Variants in RAB11FIP2 observed in about 807,000 individuals in gnomAD.
RAB11FIP2 encodes rab11 family-interacting protein 2.
In RAB11FIP2, 16 loss-of-function variants were observed where a neutral mutation model predicts 40.9. That is an observed-to-expected ratio of 0.39 (90% confidence interval 0.26 to 0.59). The LOEUF (loss-of-function observed/expected upper bound fraction) is 0.59, where lower values mean the gene tolerates loss of function less well. Ranked by LOEUF, RAB11FIP2 falls within the 20% of genes least tolerant of loss-of-function variation. The probability of loss-of-function intolerance (pLI) is 0.53; values close to 1 mark genes in which losing one functional copy is unlikely to be tolerated. For synonymous variants in RAB11FIP2, 228 were observed against 213.7 expected, an observed-to-expected ratio of 1.07 and a Z score of -0.58; for missense variants, 532 against 606.2, an observed-to-expected ratio of 0.88 and a Z score of 1.28.
At chr10:118,034,324 C>T (rs76065475) in intron 3 of RAB11FIP2, among the ~76,000 whole-genome samples, 4,236 of 150,226 alleles carry the variant, frequency 0.028, 148 homozygotes, top group East Asian at 0.19. Flanking sequence ...TCCATGAACT[C>T]TTAAATAAGC....
At chr10:118,036,238 T>C (rs1336220483) in intron 3 of RAB11FIP2, among the ~76,000 whole-genome samples, 4 of 152,054 alleles carry the variant, frequency 2.6e-5, no homozygotes, top group Non-Finnish European at 5.9e-5. Flanking sequence ...TGCAGTTCCA[T>C]GGCTATGTAT....
Position 118,008,784 on chromosome 10 carries a change from C to A in RAB11FIP2, c.*214G>T. The A allele has an allele frequency of 3.7e-6, 2 of 537,800 alleles. No homozygotes were observed. Among genetic ancestry groups the A allele is most frequent in the Admixed American group, 3.3e-5 (1 of 30,506 alleles). The allele number at this position is 537,800 out of a possible 1,614,324, so 33.3% of individuals were successfully genotyped here. On this transcript the variant is annotated 3_prime_UTR_variant, in exon 5 of 5. Transcript: ENST00000355624. The stretch of plus-strand genomic sequence containing the variant: ...CCACTTATTCATTGAGAATCTGGCC[C>A]ATTTTCAATTTAAACATTTAAATGA...
chr10:118,030,544 C>A (rs1846400477), intron 3 of RAB11FIP2, among the ~76,000 whole-genome samples: 1 of 152,108 alleles, frequency 6.6e-6, no homozygotes, highest in East Asian at 1.9e-4. Flanking sequence ...CCTAACAACA[C>A]ATTAAAATTA....
intron 3 of RAB11FIP2, among the ~76,000 whole-genome samples, chr10:118,025,684 T>C (rs1325311511): frequency 1.3e-5 from 2 of 152,202 alleles, no homozygotes; most frequent in African/African-American, 4.8e-5. Context: ...ACTAATAAGG[T>C]CACATCTTCA....
At chr10:118,045,693 C>T (rs1282674887) in intron 1 of RAB11FIP2, 118 bp downstream of exon 1, 10 of 780,078 alleles carry the variant, frequency 1.3e-5, no homozygotes, top group Admixed American at 1.2e-4. Context: ...GTGCTTAAAA[C>T]TGGATCATAT....
Position 118,046,254 on chromosome 10 carries a change from G to A in RAB11FIP2, c.-91C>T, listed in dbSNP as rs1246746955. 1.8e-6 allele frequency: 2 copies of A among 1,105,372 alleles called. No individual in the cohort carries two copies. Among genetic ancestry groups the A allele is most frequent in the Non-Finnish European group, 1.3e-6 (1 of 755,098 alleles). 68.5% of individuals were successfully genotyped at this position (1,105,372 alleles called of 1,614,324 possible). A position where few individuals can be genotyped will look rare whatever the true frequency, so the allele number is the denominator to read the frequency against. On this transcript the variant is annotated 5_prime_UTR_variant, in exon 1 of 5. Transcript: ENST00000355624. ...AATTCCTTAATCACTGCATCCTAAG[G>A]ACACTTAACGGAAACAGGCAGGCTC... is the stretch of plus-strand genomic sequence containing the variant.
chr10:118,009,172 C>G lies in RAB11FIP2; in HGVS notation c.1365G>C (p.Glu455Asp). The change falls in exon 5 of 5, where the codon GAG becomes GAC. Residue 455 changes from glutamate to aspartate, a missense_variant. Physicochemically the swap from Glu to Asp is conservative, Grantham distance 45. Transcript: ENST00000355624. ...TAGYRSLTYE[E>D]VLQELVKHKE... ...TGTGTTTCACCAGCTCCTGTAGAACCTCTTCATAGGTCAGACTACGATACC... is the reference window on the plus strand; with the variant it reads ...TGTGTTTCACCAGCTCCTGTAGAACGTCTTCATAGGTCAGACTACGATACC... 6.2e-7 allele frequency: 1 copy of G among 1,613,596 alleles called. No individual in the cohort carries two copies. Among genetic ancestry groups the G allele is most frequent in the Non-Finnish European group, 8.5e-7 (1 of 1,179,596 alleles).
intron 3 of RAB11FIP2, among the ~76,000 whole-genome samples, chr10:118,022,414 C>T (rs1846292549): frequency 6.6e-6 from 1 of 152,164 alleles, no homozygotes; most frequent in Admixed American, 6.5e-5. Context: ...CTTTTGACCT[C>T]TAACCTCCTC....
rs747445108 is a variant in RAB11FIP2 at position 118,045,833 on chromosome 10, C to T, written c.331G>A (p.Asp111Asn). ...TACTCTGTTTTCCTTCTTTGTTTGT[C>T]CTCAAAGATGTCATTGAGATTGATT... is the stretch of plus-strand genomic sequence containing the variant. ...VAINLNDIFEDKQRRKTEWFR... is the reference protein window; with the variant it reads ...VAINLNDIFENKQRRKTEWFR... Residue 111 changes from aspartate to asparagine, a missense_variant, in exon 1 of 5, where the codon GAC (aspartate) becomes AAC (asparagine). Asp to Asn is a conservative substitution (Grantham distance 23). Transcript: ENST00000355624. 4 of 1,608,178 alleles carry T rather than the reference C, an allele frequency of 2.5e-6. No homozygotes were observed. In the South Asian group the frequency reaches 3.3e-5, roughly 13 times the overall value.
intron 2 of RAB11FIP2, 170 bp downstream of exon 2, chr10:118,039,953 C>T (rs1846533487): frequency 1.7e-6 from 1 of 583,778 alleles, no homozygotes; most frequent in Non-Finnish European, 2.9e-6. Flanking sequence ...GCTCTGCCTT[C>T]AAGGAACTTA....
chr10:118,040,425 G>C lies in RAB11FIP2; in HGVS notation c.494C>G (p.Ala165Gly). 1 of 1,613,684 alleles carries C rather than the reference G, an allele frequency of 6.2e-7. No homozygotes were observed. The highest frequency in any genetic ancestry group is 1.7e-5 in the Admixed American group (1 of 59,980). The change falls in exon 2 of 5, where the codon GCA becomes GGA. Residue 165 changes from alanine (A) to glycine (G), a missense_variant. Physicochemically the swap from Ala to Gly is moderately conservative, Grantham distance 60. Coordinates refer to ENST00000355624, the MANE Select transcript of RAB11FIP2 (RefSeq NM_014904.3). ...ACCCTTCATCTTATCTTTTAACTTTGCAAAAGGAGATCTGGTTTTGTCCTT... is the reference window on the plus strand; with the variant it reads ...ACCCTTCATCTTATCTTTTAACTTTCCAAAAGGAGATCTGGTTTTGTCCTT... ...SMKDKTRSPF[A>G]KLKDKMKGRK...
chr10:118,021,727 T>C (rs999235980), intron 3 of RAB11FIP2, among the ~76,000 whole-genome samples: 5 of 152,248 alleles, frequency 3.3e-5, no homozygotes, highest in African/African-American at 7.2e-5. Context: ...TGATACCAAA[T>C]GGGTGCTCCT....
chr10:118,010,863 C>G (rs117318656), intron 4 of RAB11FIP2, among the ~76,000 whole-genome samples: 2 of 152,034 alleles, frequency 1.3e-5, no homozygotes, highest in East Asian at 1.9e-4. Flanking sequence ...AATCCAATAA[C>G]AGGTACTCTG....
rs889554621 is a variant in RAB11FIP2 at position 118,008,019 on chromosome 10, T to C, written c.*979A>G. Reference sequence around the variant, plus strand: ...TTATCAGACACACCAGGCAATCACATACTTCCCACAATTATTTTCAGATAT... The same window carrying C: ...TTATCAGACACACCAGGCAATCACACACTTCCCACAATTATTTTCAGATAT... On this transcript the variant is annotated 3_prime_UTR_variant, in exon 5 of 5. Transcript: ENST00000355624. The C allele has an allele frequency of 1.3e-5, 2 of 152,520 alleles. No individual in the cohort carries two copies. Among genetic ancestry groups the C allele is most frequent in the Non-Finnish European group, 2.9e-5 (2 of 67,980 alleles). 9.4% of individuals were successfully genotyped at this position (152,520 alleles called of 1,614,324 possible). A position where few individuals can be genotyped will look rare whatever the true frequency, so the allele number is the denominator to read the frequency against.
At chr10:118,032,430 C>T (rs1357008358) in intron 3 of RAB11FIP2, among the ~76,000 whole-genome samples, 1 of 148,854 alleles carries the variant, frequency 6.7e-6, no homozygotes, top group African/African-American at 2.4e-5. Context: ...TGTGTTTAAC[C>T]TATTCAGCCA....
rs1426786958 is a variant in RAB11FIP2 at position 118,014,940 on chromosome 10, G to A, written c.1311+125C>T. On this transcript the variant is annotated intron_variant, in intron 4 of 4. Transcript: ENST00000355624. ...TCTTTCTTTCTCCTAAAATTACTACGCTAAGCTACAATTCTTAGGTAAGTG... is the reference window on the plus strand; with the variant it reads ...TCTTTCTTTCTCCTAAAATTACTACACTAAGCTACAATTCTTAGGTAAGTG... The A allele has an allele frequency of 2.2e-5, 16 of 727,306 alleles. No individual in the cohort carries two copies. In the East Asian group the frequency reaches 2.8e-4, roughly 13 times the overall value. 45.1% of individuals were successfully genotyped at this position (727,306 alleles called of 1,614,324 possible).
chr10:118,035,704 T>C (rs72831891), intron 3 of RAB11FIP2, among the ~76,000 whole-genome samples: 4 of 152,200 alleles, frequency 2.6e-5, no homozygotes, highest in Non-Finnish European at 4.4e-5. Flanking sequence ...TATCAAACTC[T>C]TCATGGTAGT....
At chr10:118,039,557 T>G (rs1325194078) in intron 2 of RAB11FIP2, 117 bp from the exon 3 acceptor site, 1 of 853,772 alleles carries the variant, frequency 1.2e-6, no homozygotes, top group African/African-American at 1.7e-5. Flanking sequence ...CTTAAATGTA[T>G]TAACCTTCAA....
At chr10:118,016,401 T>C (rs1005743179) in intron 3 of RAB11FIP2, among the ~76,000 whole-genome samples, 1 of 152,278 alleles carries the variant, frequency 6.6e-6, no homozygotes, top group South Asian at 2.1e-4. Context: ...CTCAAGTCAC[T>C]ATACCAGCAA....
Sources: gnomAD v4.1 joint callset for allele counts (sites outside exome capture counted in the v4.1 genomes callset) on GRCh38, gnomAD v4.1.1 for gene constraint, MANE v1.5 for transcripts, NCBI Gene and HGNC (gene_info 2026-07-23, HGNC 2026-07-21) for gene names.